Variants in AFF3 observed in about 807,000 individuals in gnomAD.
AFF3 encodes the protein AF4/FMR2 family member 3.
AFF3 carries 32 observed loss-of-function variants against 129.7 expected under a neutral mutation model. The ratio of observed to expected loss-of-function variants is 0.25; its 90% confidence interval spans 0.19 to 0.33. AFF3 has a LOEUF of 0.33. Among genes scored for constraint, AFF3 ranks in the 10% least tolerant of loss-of-function variants. AFF3 has a pLI of 1.00. For synonymous variants in AFF3, 644 were observed against 635.4 expected (o/e 1.01, Z -0.20); for missense variants, 1,373 against 1,592.0 (o/e 0.86, Z 2.34).
chr2:99,779,221 G>A (rs2105369463), intron 8 of AFF3, among the ~76,000 whole-genome samples: 1 of 151,940 alleles, frequency 6.6e-6, no homozygotes, highest in East Asian at 1.9e-4. Flanking sequence ...TGGTTTGTTG[G>A]GTGTTTTTAT....
chr2:99,626,376 C>T, intron 13 of AFF3, among the ~76,000 whole-genome samples: 1 of 147,644 alleles, frequency 6.8e-6, no homozygotes, highest in African/African-American at 2.5e-5. Context: ...TCCTCCCTTC[C>T]TTCCTCCCTC....
At chr2:99,724,972 T>C (rs1370550598) in intron 11 of AFF3, among the ~76,000 whole-genome samples, 1 of 152,078 alleles carries the variant, frequency 6.6e-6, no homozygotes, top group Non-Finnish European at 1.5e-5. Flanking sequence ...TACCTATTTT[T>C]TTTCTTTTTT....
intron 2 of AFF3, among the ~76,000 whole-genome samples, chr2:100,126,882 G>A (rs758668183): frequency 1.3e-5 from 2 of 152,166 alleles, no homozygotes; most frequent in Non-Finnish European, 2.9e-5. Flanking sequence ...AAAATGAAAA[G>A]GTGGAGTTGT....
intron 13 of AFF3, among the ~76,000 whole-genome samples, chr2:99,629,376 C>T (rs1027173770): frequency 2.0e-5 from 3 of 152,092 alleles, no homozygotes; most frequent in African/African-American, 4.8e-5. Context: ...ATAGCTGAGC[C>T]GAGAGCCACA....
At chr2:100,056,223 C>T (rs1313834546) in intron 4 of AFF3, among the ~76,000 whole-genome samples, 1 of 152,112 alleles carries the variant, frequency 6.6e-6, no homozygotes, top group Non-Finnish European at 1.5e-5. Flanking sequence ...AATATTCACT[C>T]TCTATCCGGC....
chr2:99,601,274 T>C (rs1304442591), intron 14 of AFF3, among the ~76,000 whole-genome samples, 161 bp downstream of exon 14: 1 of 152,060 alleles, frequency 6.6e-6, no homozygotes, highest in Non-Finnish European at 1.5e-5. Context: ...AGGGGGAAAA[T>C]GTGGAGCCCG....
intron 9 of AFF3, among the ~76,000 whole-genome samples, chr2:99,748,003 TC>T (rs1681316111): frequency 6.6e-6 from 1 of 152,016 alleles, no homozygotes; most frequent in Non-Finnish European, 1.5e-5. Flanking sequence ...ACATTTTAGG[TC>T]CTCTTATCAG....
At chr2:99,868,018 T>TTTC (rs1558930136) in intron 7 of AFF3, among the ~76,000 whole-genome samples, 17 of 86,590 alleles carry the variant, frequency 2.0e-4, no homozygotes, top group African/African-American at 1.3e-3. Flanking sequence ...CTTTCTTTCC[T>TTTC]TTTTTTTTTT....
intron 7 of AFF3, among the ~76,000 whole-genome samples, chr2:99,991,857 T>C (rs1680370021): frequency 6.6e-6 from 1 of 151,490 alleles, no homozygotes. Context: ...GAGCCGAGAT[T>C]GCGACACTGC....
At chr2:100,054,709 T>C (rs1436453037) in intron 4 of AFF3, among the ~76,000 whole-genome samples, 7 of 152,216 alleles carry the variant, frequency 4.6e-5, no homozygotes, top group Non-Finnish European at 1.0e-4. Flanking sequence ...TCCATCCTAT[T>C]GGTTCTATTT....
At chr2:99,809,050 T>C (rs1686582781) in intron 8 of AFF3, among the ~76,000 whole-genome samples, 1 of 152,218 alleles carries the variant, frequency 6.6e-6, no homozygotes, top group African/African-American at 2.4e-5. Context: ...AGCACTGGAA[T>C]TCACATACCT....
intron 22 of AFF3, among the ~76,000 whole-genome samples, chr2:99,555,886 GC>G (rs1366809961): frequency 6.6e-6 from 1 of 152,202 alleles, no homozygotes; most frequent in Non-Finnish European, 1.5e-5. Flanking sequence ...CGCAAACCAT[GC>G]CACTTTTACC....
intron 11 of AFF3, 85 bp from the exon 12 acceptor site, chr2:99,672,674 T>C: frequency 7.8e-7 from 1 of 1,286,158 alleles, no homozygotes; most frequent in Non-Finnish European, 1.1e-6. Context: ...CACCTTAATG[T>C]TGTTATTAGA....
At chr2:99,691,786 G>A (rs959250671) in intron 11 of AFF3, among the ~76,000 whole-genome samples, 1 of 152,140 alleles carries the variant, frequency 6.6e-6, no homozygotes, top group Non-Finnish European at 1.5e-5. Context: ...GTAATGGGAT[G>A]AGCCCTGCAG....
chr2:99,842,229 G>A (rs1689369024), intron 7 of AFF3, among the ~76,000 whole-genome samples: 1 of 152,064 alleles, frequency 6.6e-6, no homozygotes, highest in African/African-American at 2.4e-5. Context: ...CCTTCTTGAG[G>A]TCTTTCTCAA....
intron 7 of AFF3, among the ~76,000 whole-genome samples, chr2:100,000,307 A>G (rs1335760665): frequency 6.6e-6 from 1 of 152,178 alleles, no homozygotes; most frequent in African/African-American, 2.4e-5. Context: ...AATAGCTCAG[A>G]AAAAACAAAT....
intron 7 of AFF3, among the ~76,000 whole-genome samples, chr2:99,983,399 T>C (rs1451357621): frequency 6.6e-6 from 1 of 152,218 alleles, no homozygotes; most frequent in African/African-American, 2.4e-5. Flanking sequence ...TCCAAGATGA[T>C]TCAATTCTTT....
chr2:99,641,576 G>A (rs1411754290), intron 13 of AFF3, among the ~76,000 whole-genome samples: 2 of 152,102 alleles, frequency 1.3e-5, no homozygotes, highest in South Asian at 2.1e-4. Context: ...TACTTGGGAG[G>A]CTGAGGCATG....
chr2:99,605,844 G>A (rs369348796), intron 13 of AFF3, among the ~76,000 whole-genome samples: 2 of 147,048 alleles, frequency 1.4e-5, no homozygotes, highest in Non-Finnish European at 3.0e-5. Flanking sequence ...CACCATACCC[G>A]GCTAATTTTT....
Sources: allele counts gnomAD v4.1 joint callset (sites outside exome capture counted in the v4.1 genomes callset), GRCh38; gene constraint gnomAD v4.1.1; transcripts MANE v1.5; gene names NCBI Gene and HGNC (gene_info 2026-07-23, HGNC 2026-07-21).